The following RERE variants were observed in gnomAD, a reference collection of about 807,000 sequenced individuals.
The protein encoded by RERE is arginine-glutamic acid dipeptide repeats, also known as arginine-glutamic acid dipeptide repeats protein.
Under a neutral mutation model 146.1 loss-of-function variants are expected in RERE, and 40 were observed. The ratio of observed to expected loss-of-function variants is 0.27; its 90% confidence interval spans 0.21 to 0.36. The LOEUF (loss-of-function observed/expected upper bound fraction) is 0.36, where lower values mean the gene tolerates loss of function less well. Among genes scored for constraint, RERE ranks in the 10% least tolerant of loss-of-function variants. The pLI, the probability that RERE is intolerant of heterozygous loss-of-function variation, is 1.00. For missense variants in RERE, 1,933 were observed against 2,138.7 expected (o/e 0.90, Z 1.90); for synonymous variants, 1,003 against 866.0 (o/e 1.16, Z -2.78).
In RERE at chr1:8,361,881, A is replaced by G; in HGVS notation, c.1903-5T>C. 2 of 1,607,478 alleles carry G rather than the reference A, an allele frequency of 1.2e-6. No homozygotes were observed. ...AGAGGCTTCCTCCTTCACCTTCTGC[A>G]GGGGAAAAGCCCACAAGGAGCAATC... is the stretch of plus-strand genomic sequence containing the variant. On this transcript the variant is annotated splice_region_variant and splice_polypyrimidine_tract_variant and intron_variant, in intron 16 of 22. Transcript: ENST00000400908.
At chr1:8,694,981 G>GA (rs1553135267) in intron 1 of RERE, among the ~76,000 whole-genome samples, 4 of 125,500 alleles carry the variant, frequency 3.2e-5, no homozygotes, top group African/African-American at 8.7e-5. Context: ...TAAGGGGGGG[G>GA]GGGGAATGCT....
At chr1:8,379,381 T>C (rs1032610117) in intron 12 of RERE, among the ~76,000 whole-genome samples, 1 of 145,982 alleles carries the variant, frequency 6.9e-6, no homozygotes, top group South Asian at 2.1e-4. Flanking sequence ...TGTGTGAGGC[T>C]CTCTGACCAC....
intron 11 of RERE, among the ~76,000 whole-genome samples, chr1:8,453,165 G>A (rs1262592262): frequency 6.6e-6 from 1 of 152,164 alleles, no homozygotes; most frequent in African/African-American, 2.4e-5. Context: ...ATTGCTCTGG[G>A]GTCATAAACT....
At chr1:8,641,649 A>T (rs1171126028) in intron 2 of RERE, among the ~76,000 whole-genome samples, 1 of 152,192 alleles carries the variant, frequency 6.6e-6, no homozygotes, top group Non-Finnish European at 1.5e-5. Context: ...AAGTACCTCC[A>T]GGTTCTGTGC....
chr1:8,508,763 A>T (rs1645290515), intron 7 of RERE, 88 bp from the exon 8 acceptor site: 1 of 1,082,496 alleles, frequency 9.2e-7, no homozygotes, highest in Non-Finnish European at 1.4e-6. Context: ...AATTCTCTTC[A>T]AATAAATGAG....
At chr1:8,501,744 C>T (rs867473027) in intron 8 of RERE, among the ~76,000 whole-genome samples, 4 of 87,636 alleles carry the variant, frequency 4.6e-5, no homozygotes, top group Non-Finnish European at 8.0e-5. Context: ...CCAGCCGCCC[C>T]GTCCGGGAGG....
At chr1:8,445,305 G>A (rs1003874755) in intron 11 of RERE, among the ~76,000 whole-genome samples, 4 of 152,176 alleles carry the variant, frequency 2.6e-5, no homozygotes, top group African/African-American at 4.8e-5. Flanking sequence ...AGATCTTGCC[G>A]TATGTAACTG....
intron 12 of RERE, among the ~76,000 whole-genome samples, chr1:8,413,652 T>C (rs1643677015): frequency 6.6e-6 from 1 of 152,076 alleles, no homozygotes; most frequent in Non-Finnish European, 1.5e-5. Context: ...CCAATCTTAA[T>C]TTGAAGAGGG....
rs756891770 is a variant in RERE, at chr1:8,466,043, A to C, written c.1105-20T>G. On this transcript the variant is annotated intron_variant, in intron 10 of 22. Coordinates refer to ENST00000400908, the MANE Select transcript of RERE (RefSeq NM_001042681.2). Reference sequence around the variant, plus strand: ...ATGCAGCTAAAACAACAACAATTATAGTTAGCTAACTGCACCAAATAACAG... The same window carrying C: ...ATGCAGCTAAAACAACAACAATTATCGTTAGCTAACTGCACCAAATAACAG... The C allele has an allele frequency of 3.1e-6, 5 of 1,589,308 alleles. No homozygotes were observed. The South Asian group carries it at 4.4e-5, about 14-fold the overall frequency.
At chr1:8,610,426 T>TA (rs1257730801) in intron 4 of RERE, among the ~76,000 whole-genome samples, 1 of 151,848 alleles carries the variant, frequency 6.6e-6, no homozygotes, top group East Asian at 1.9e-4. Context: ...CTATCTCTAC[T>TA]AAAAATACAA....
chr1:8,733,556 A>G (rs556084194), intron 1 of RERE, among the ~76,000 whole-genome samples: 2 of 152,216 alleles, frequency 1.3e-5, no homozygotes, highest in Non-Finnish European at 1.5e-5. Flanking sequence ...AGGCAGCCCT[A>G]TGAAGAGGTT....
At chr1:8,366,096 C>G in intron 12 of RERE, 122 bp from the exon 13 acceptor site, 1 of 1,032,258 alleles carries the variant, frequency 9.7e-7, no homozygotes. Context: ...GAATAAAGAC[C>G]AGTCGCTCCT....
chr1:8,664,990 A>C (rs1638538037), intron 1 of RERE, among the ~76,000 whole-genome samples: 1 of 152,140 alleles, frequency 6.6e-6, no homozygotes, highest in South Asian at 2.1e-4. Flanking sequence ...CCTTATCATG[A>C]TCTGCAAGGT....
intron 2 of RERE, among the ~76,000 whole-genome samples, chr1:8,636,160 G>C (rs947988637): frequency 6.6e-6 from 1 of 152,098 alleles, no homozygotes; most frequent in Admixed American, 6.6e-5. Context: ...GGCTAATTTT[G>C]TATTTTTAGT....
At chr1:8,430,574 C>T (rs891879748) in intron 11 of RERE, among the ~76,000 whole-genome samples, 2 of 152,208 alleles carry the variant, frequency 1.3e-5, no homozygotes, top group African/African-American at 4.8e-5. Flanking sequence ...CTAACGTCCT[C>T]CATAGTTTTA....
chr1:8,811,172 C>A (rs1641799692), intron 1 of RERE, among the ~76,000 whole-genome samples: 1 of 152,164 alleles, frequency 6.6e-6, no homozygotes, highest in Non-Finnish European at 1.5e-5. Context: ...AGTGCCTCCC[C>A]AGGCAGTTCA....
chr1:8,687,264 TATACACAAGCAG>T (rs1421415382), intron 1 of RERE, among the ~76,000 whole-genome samples: 1 of 152,134 alleles, frequency 6.6e-6, no homozygotes, highest in Non-Finnish European at 1.5e-5. Flanking sequence ...ACAGCTGGTC[TATACACAAGCAG>T]TGGGGAAAGC....
At chr1:8,627,225 G>A (rs1646983600) in intron 2 of RERE, among the ~76,000 whole-genome samples, 1 of 152,116 alleles carries the variant, frequency 6.6e-6, no homozygotes, top group South Asian at 2.1e-4. Context: ...TTGGCAGTAA[G>A]GTGGTCTGCA....
At chr1:8,627,515 T>C (rs1422331022) in intron 2 of RERE, among the ~76,000 whole-genome samples, 3 of 151,370 alleles carry the variant, frequency 2.0e-5, no homozygotes, top group African/African-American at 7.3e-5. Context: ...GGCAGGAGGA[T>C]TGCTTGAACC....
Sources: gnomAD v4.1 joint callset for allele counts (sites outside exome capture counted in the v4.1 genomes callset) on GRCh38, gnomAD v4.1.1 for gene constraint, MANE v1.5 for transcripts, NCBI Gene and HGNC (gene_info 2026-07-23, HGNC 2026-07-21) for gene names.